Variants in FKBP5 observed in about 807,000 individuals in gnomAD.
The protein encoded by FKBP5 is FKBP prolyl isomerase 5, also known as peptidyl-prolyl cis-trans isomerase FKBP5.
In FKBP5, 23 loss-of-function variants were observed where a neutral mutation model predicts 50.5. That is an observed-to-expected ratio of 0.46 (90% CI 0.33 to 0.65). The LOEUF (loss-of-function observed/expected upper bound fraction) is 0.65. FKBP5 is among the 30% of genes least tolerant of loss of function. The pLI is 0.02. For missense variants in FKBP5, 411 were observed against 553.1 expected (o/e 0.74, Z 2.58); for synonymous variants, 176 against 190.6 (o/e 0.92, Z 0.63).
At chr6:35,605,787 C>G (rs1342081349) in intron 5 of FKBP5, among the ~76,000 whole-genome samples, 1 of 152,186 alleles carries the variant, frequency 6.6e-6, no homozygotes, top group East Asian at 1.9e-4. Flanking sequence ...AACTCCTATT[C>G]AGCATGGTAC....
chr6:35,592,707 C>A (rs904793515), intron 6 of FKBP5, among the ~76,000 whole-genome samples: 1 of 152,232 alleles, frequency 6.6e-6, no homozygotes, highest in Non-Finnish European at 1.5e-5. Context: ...CTTAGACCAG[C>A]AGATCTCAAC....
At chr6:35,663,756 A>C (rs1765138866) in intron 1 of FKBP5, among the ~76,000 whole-genome samples, 1 of 152,140 alleles carries the variant, frequency 6.6e-6, no homozygotes, top group Non-Finnish European at 1.5e-5. Flanking sequence ...TTTTCTTATC[A>C]GAGTTGTTTT....
intron 1 of FKBP5, among the ~76,000 whole-genome samples, chr6:35,687,463 T>C (rs1355545632): frequency 6.6e-6 from 1 of 152,180 alleles, no homozygotes; most frequent in Admixed American, 6.5e-5. Flanking sequence ...GCAGCTCCCT[T>C]TAGAGAATTA....
chr6:35,622,461 T>C (rs1763873763), intron 3 of FKBP5, among the ~76,000 whole-genome samples: 1 of 151,124 alleles, frequency 6.6e-6, no homozygotes, highest in East Asian at 2.0e-4. Flanking sequence ...CAGTGAGCAA[T>C]GATTATGTCA....
At chr6:35,712,276 T>C (rs1766429452) in intron 2 of FKBP5, among the ~76,000 whole-genome samples, 1 of 152,034 alleles carries the variant, frequency 6.6e-6, no homozygotes, top group Non-Finnish European at 1.5e-5. Context: ...GCCTGTCACC[T>C]GGAATTTCTA....
Position 35,608,304 on chromosome 6 carries a change from G to A in FKBP5, c.508+10792C>T, listed in dbSNP as rs76903358. Among the ~76,000 whole-genome samples the A allele has an allele frequency of 8.6e-3, 1,305 of 152,124 alleles. 17 individuals are homozygous for A. Among genetic ancestry groups the A allele is most frequent in the African/African-American group, 0.027 (1,116 of 41,494 alleles). Reference sequence around the variant, plus strand: ...TGGGTTCAATAGAAGCCCAAACCTCGGCATTACAGACAATATATCCATGTA... The same window carrying A: ...TGGGTTCAATAGAAGCCCAAACCTCAGCATTACAGACAATATATCCATGTA... On this transcript the variant is annotated intron_variant, in intron 5 of 10. Transcript: ENST00000357266.
chr6:35,722,544 G>A (rs1213823458), intron 1 of FKBP5, among the ~76,000 whole-genome samples: 1 of 152,108 alleles, frequency 6.6e-6, no homozygotes, highest in African/African-American at 2.4e-5. Context: ...TGGAACACGA[G>A]GTTCTGCACC....
chr6:35,663,391 T>C (rs959186450), intron 1 of FKBP5, among the ~76,000 whole-genome samples: 1 of 152,172 alleles, frequency 6.6e-6, no homozygotes. Context: ...TACGTGAACA[T>C]TATTCCAAAG....
intron 2 of FKBP5, among the ~76,000 whole-genome samples, chr6:35,714,317 T>A (rs1766473278): frequency 7.4e-6 from 1 of 134,562 alleles, no homozygotes. Flanking sequence ...CCGGGCGTGG[T>A]GGCATGTGCC....
intron 2 of FKBP5, among the ~76,000 whole-genome samples, chr6:35,696,337 T>C (rs1766080781): frequency 6.6e-6 from 1 of 150,646 alleles, no homozygotes; most frequent in Admixed American, 6.6e-5. Context: ...CTGGACAACA[T>C]GGCAAGACAC....
intron 2 of FKBP5, among the ~76,000 whole-genome samples, chr6:35,711,455 T>C (rs1766411146): frequency 6.6e-6 from 1 of 151,886 alleles, no homozygotes; most frequent in African/African-American, 2.4e-5. Context: ...CTGTCTCTAC[T>C]AAAAATACAA....
upstream of FKBP5, among the ~76,000 whole-genome samples, chr6:35,693,905 T>A (rs1391217132): frequency 6.6e-6 from 1 of 152,068 alleles, no homozygotes; most frequent in Non-Finnish European, 1.5e-5. Flanking sequence ...GTCTTATCCA[T>A]CCTTAAACAT....
chr6:35,576,287 G>A (rs1265980172), intron 10 of FKBP5, among the ~76,000 whole-genome samples: 1 of 152,122 alleles, frequency 6.6e-6, no homozygotes, highest in Non-Finnish European at 1.5e-5. Context: ...GATAACAGGT[G>A]TGATGATGGG....
chr6:35,725,352 C>T (rs1470181573), intron 1 of FKBP5, among the ~76,000 whole-genome samples: 1 of 152,164 alleles, frequency 6.6e-6, no homozygotes, highest in African/African-American at 2.4e-5. Context: ...AGTGCTGTCA[C>T]TTGTCTAGCT....
chr6:35,595,682 T>C (rs1171695758), intron 6 of FKBP5, among the ~76,000 whole-genome samples: 3 of 151,884 alleles, frequency 2.0e-5, no homozygotes, highest in African/African-American at 4.8e-5. Flanking sequence ...GCCCTGGAGG[T>C]TGAGGCTACA....
chr6:35,721,463 C>CT (rs796140796), intron 1 of FKBP5, among the ~76,000 whole-genome samples: 12 of 147,086 alleles, frequency 8.2e-5, no homozygotes, highest in Non-Finnish European at 1.5e-4. Flanking sequence ...AAAATAGTGG[C>CT]TTTTTTTTTT....
intron 3 of FKBP5, among the ~76,000 whole-genome samples, chr6:35,622,318 C>T (rs530212055): frequency 6.6e-6 from 1 of 152,090 alleles, no homozygotes; most frequent in South Asian, 2.1e-4. Flanking sequence ...TAAGACCGGC[C>T]AGGGCAACAT....
intron 1 of FKBP5, among the ~76,000 whole-genome samples, chr6:35,670,168 T>C (rs574965303): frequency 1.3e-5 from 2 of 152,332 alleles, no homozygotes; most frequent in African/African-American, 4.8e-5. Flanking sequence ...GTTAATGCAA[T>C]TTATAAAAAA....
intron 2 of FKBP5, among the ~76,000 whole-genome samples, chr6:35,707,215 C>CTT (rs34841223): frequency 0.074 from 8,678 of 116,800 alleles, 1,419 homozygotes; most frequent in African/African-American, 0.26. Context: ...TATGAGAAGA[C>CTT]TTTTTTTTTT....
Sources: allele counts gnomAD v4.1 joint callset (sites outside exome capture counted in the v4.1 genomes callset), GRCh38; gene constraint gnomAD v4.1.1; transcripts MANE v1.5; gene names NCBI Gene and HGNC (gene_info 2026-07-23, HGNC 2026-07-21).